The following C10orf53 variants were observed in gnomAD, a reference collection of about 807,000 sequenced individuals.
C10orf53 encodes the protein chromosome 10 open reading frame 53, also known as UPF0728 protein C10orf53.
In C10orf53, 8 loss-of-function variants were observed where a neutral mutation model predicts 9.4. The observed-to-expected ratio is 0.85, with a 90% confidence interval of 0.50 to 1.53. C10orf53 has a LOEUF of 1.53. C10orf53 is among the 40% of genes most tolerant of loss of function. C10orf53 has a pLI of 0.00. For synonymous variants in C10orf53, 48 were observed against 46.0 expected (o/e 1.04, Z -0.18); for missense variants, 117 against 117.8 (o/e 0.99, Z 0.03).
chr10:49,691,101 G>C (rs1437819927), intron 1 of C10orf53, among the ~76,000 whole-genome samples: 1 of 152,206 alleles, frequency 6.6e-6, no homozygotes, highest in Non-Finnish European at 1.5e-5. Flanking sequence ...GTTTCAGGGA[G>C]TATATTTATC....
chr10:49,679,904 C>A, intron 1 of C10orf53, 110 bp downstream of exon 1: 1 of 998,718 alleles, frequency 1.0e-6, no homozygotes, highest in Admixed American at 3.7e-5. Flanking sequence ...GCCACCTCTC[C>A]AGGAAGTCTT....
rs1840620155 is a variant in C10orf53 at position 49,694,866 on chromosome 10, A to G, written c.*264A>G. 1 of 1,273,012 alleles carries G rather than the reference A, an allele frequency of 7.9e-7. No individual in the cohort carries two copies. The highest frequency in any genetic ancestry group is 3.8e-5 in the Admixed American group (1 of 26,594). 78.9% of individuals were successfully genotyped at this position (1,273,012 alleles called of 1,614,324 possible). A position where few individuals can be genotyped will look rare whatever the true frequency, so the allele number is the denominator to read the frequency against. ...GAGAGCCCTCCAATATCAGGTACAC[A>G]TTGAGCTGAAGGAAACAATAAAATG... On this transcript the variant is annotated 3_prime_UTR_variant, in exon 3 of 3. Transcript: ENST00000374111.
At chr10:49,694,437 GCCTTTGA>G in intron 2 of C10orf53, 94 bp from the exon 3 acceptor site, 50 of 1,484,946 alleles carry the variant, frequency 3.4e-5, no homozygotes, top group Non-Finnish European at 4.5e-5. Flanking sequence ...CCAGCCCATG[GCCTTTGA>G]AAATGCACTC....
chr10:49,709,529 A>AG (rs1273270228), exon 3 of C10orf53: 1 of 152,350 alleles, frequency 6.6e-6, no homozygotes, highest in African/African-American at 2.4e-5. Flanking sequence ...CCAGTCCTTG[A>AG]GATCCTGGTT....
chr10:49,690,156 G>A (rs990171670), intron 1 of C10orf53, among the ~76,000 whole-genome samples: 2 of 152,196 alleles, frequency 1.3e-5, no homozygotes, highest in African/African-American at 2.4e-5. Flanking sequence ...GAAGGGAAGA[G>A]TATTTGGAGA....
Position 49,692,987 on chromosome 10 carries a change from C to G in C10orf53, c.98-787C>G, listed in dbSNP as rs139444778. Among the ~76,000 whole-genome samples the G allele has an allele frequency of 3.0e-4, 46 of 152,222 alleles. No individual in the cohort carries two copies. In the East Asian group the frequency reaches 8.5e-3, roughly 28 times the overall value. On this transcript the variant is annotated intron_variant, in intron 1 of 2. Coordinates refer to ENST00000374111, the MANE Select transcript of C10orf53 (RefSeq NM_001042427.3). ...AAGTTTCCCATAATCTCACCACAGA[C>G]AGATAATCAATAGGTATTTTCTTCA...
chr10:49,681,281 A>G (rs1280064484), intron 1 of C10orf53, among the ~76,000 whole-genome samples: 2 of 152,224 alleles, frequency 1.3e-5, no homozygotes, highest in Admixed American at 6.5e-5. Flanking sequence ...TGGAGAGAAC[A>G]TATAGAATGA....
chr10:49,679,847 T>G (rs1186989864), intron 1 of C10orf53, 53 bp downstream of exon 1: 3 of 1,470,968 alleles, frequency 2.0e-6, no homozygotes, highest in Non-Finnish European at 2.7e-6. Flanking sequence ...TGAGCATCCG[T>G]GCAGGTGGTG....
exon 3 of C10orf53, chr10:49,709,973 C>CTGTGTGTG (rs71026266): frequency 9.6e-5 from 3 of 31,358 alleles, no homozygotes; most frequent in African/African-American, 1.7e-4. Context: ...GTGTGTGTGT[C>CTGTGTGTG]TGTGTGTGTG....
downstream of C10orf53, among the ~76,000 whole-genome samples, chr10:49,699,145 A>G (rs1840660475): frequency 7.7e-6 from 1 of 129,340 alleles, no homozygotes; most frequent in South Asian, 2.8e-4. Context: ...GTCAAGATTT[A>G]TCATTTTTCT....
chr10:49,693,142 A>G (rs1438821612), intron 1 of C10orf53, among the ~76,000 whole-genome samples: 1 of 152,220 alleles, frequency 6.6e-6, no homozygotes, highest in Non-Finnish European at 1.5e-5. Flanking sequence ...GAACATTTTT[A>G]TAAATGTCCA....
chr10:49,693,622 C>G lies in C10orf53; in HGVS notation c.98-152C>G, dbSNP rs929867064. 80 of 938,388 alleles carry G rather than the reference C, an allele frequency of 8.5e-5. 1 individual carries two copies. In the South Asian group the frequency reaches 1.1e-3, roughly 13 times the overall value. 58.1% of individuals were successfully genotyped at this position (938,388 alleles called of 1,614,324 possible). Reference sequence around the variant, plus strand: ...CCAGCAAAGGTGAGGGCACCTGGGGCCAACACCCAGAAAGTGCCTACCAGG... The same window carrying G: ...CCAGCAAAGGTGAGGGCACCTGGGGGCAACACCCAGAAAGTGCCTACCAGG... On this transcript the variant is annotated intron_variant, in intron 1 of 2. Coordinates refer to ENST00000374111, the MANE Select transcript of C10orf53 (RefSeq NM_001042427.3).
intron 1 of C10orf53, among the ~76,000 whole-genome samples, chr10:49,691,795 G>A (rs1330273499): frequency 3.3e-5 from 5 of 152,224 alleles, no homozygotes; most frequent in South Asian, 4.1e-4. Context: ...GCCTCCTGGG[G>A]CCTCCACCCG....
chr10:49,692,713 A>G (rs1025628949), intron 1 of C10orf53, among the ~76,000 whole-genome samples: 25 of 152,240 alleles, frequency 1.6e-4, no homozygotes, highest in Non-Finnish European at 2.1e-4. Context: ...TGGAAAAAAT[A>G]GAGCTCTAGG....
intron 1 of C10orf53, among the ~76,000 whole-genome samples, chr10:49,685,216 CT>C (rs1416000279): frequency 6.6e-6 from 1 of 151,988 alleles, no homozygotes; most frequent in African/African-American, 2.4e-5. Flanking sequence ...ATGCTTTCAG[CT>C]GTGTACATTA....
At position 49,696,497 on chromosome 10, in the gene C10orf53, A is replaced by G. The variant is rs575214176; in HGVS notation, c.*1895A>G. Among the ~76,000 whole-genome samples the G allele has an allele frequency of 1.3e-5, 2 of 152,272 alleles. No homozygotes were observed. Among genetic ancestry groups the G allele is most frequent in the Admixed American group, 6.5e-5 (1 of 15,296 alleles). ...CCTCGGCAGCCCCATGCCCTCCTCC[A>G]GCATCCGCCTCAACCCCGCAGGTTG... On this transcript the variant is annotated 3_prime_UTR_variant, in exon 3 of 3. Transcript: ENST00000374111.
intron 1 of C10orf53, among the ~76,000 whole-genome samples, chr10:49,693,200 C>T (rs1175257330): frequency 6.6e-6 from 1 of 152,144 alleles, no homozygotes; most frequent in Non-Finnish European, 1.5e-5. Flanking sequence ...TGGCCGTCCT[C>T]TCATTATTGG....
rs117957211 is a variant in C10orf53 at position 49,691,115 on chromosome 10, C to G, written c.98-2659C>G. 6.9e-3 allele frequency among the ~76,000 whole-genome samples: 1,045 copies of G among 152,288 alleles called. 9 individuals are homozygous for G. The highest frequency in any genetic ancestry group is 0.01 in the Middle Eastern group (3 of 294). The stretch of plus-strand genomic sequence containing the variant: ...TGTTTCAGGGAGTATATTTATCTGA[C>G]CTTTCTTTGACTAGACAACCCCACA... On this transcript the variant is annotated intron_variant, in intron 1 of 2. Coordinates refer to ENST00000374111, the MANE Select transcript of C10orf53 (RefSeq NM_001042427.3).
At chr10:49,687,298 G>A (rs562802164) in intron 1 of C10orf53, among the ~76,000 whole-genome samples, 4 of 152,292 alleles carry the variant, frequency 2.6e-5, no homozygotes, top group South Asian at 2.1e-4. Flanking sequence ...ATGCATAAAT[G>A]AACATTTTGT....
Sources: gnomAD v4.1 joint callset for allele counts (sites outside exome capture counted in the v4.1 genomes callset) on GRCh38, gnomAD v4.1.1 for gene constraint, MANE v1.5 for transcripts, NCBI Gene and HGNC (gene_info 2026-07-23, HGNC 2026-07-21) for gene names.